PLCB1: variants seen among roughly 807,000 people sequenced by gnomAD.
The protein encoded by PLCB1 is 1-phosphatidylinositol 4,5-bisphosphate phosphodiesterase beta-1.
A neutral mutation model predicts 161.8 loss-of-function variants in PLCB1; 46 were observed. The observed-to-expected ratio is 0.28, with a 90% CI of 0.22 to 0.36. The LOEUF is 0.36. Among genes scored for constraint, PLCB1 ranks in the 10% least tolerant of loss-of-function variants. The probability of loss-of-function intolerance (pLI) is 1.00; values close to 1 mark genes in which losing one functional copy is unlikely to be tolerated. For synonymous variants in PLCB1, 517 were observed against 503.7 expected, an observed-to-expected ratio of 1.03 and a Z score of -0.35; for missense variants, 1,016 against 1,472.5, an observed-to-expected ratio of 0.69 and a Z score of 5.07.
chr20:8,669,624 C>T (rs973952023), intron 9 of PLCB1, among the ~76,000 whole-genome samples: 1 of 152,192 alleles, frequency 6.6e-6, no homozygotes, highest in Non-Finnish European at 1.5e-5. Context: ...CTTCACCTAT[C>T]TGGGCTCTCA....
chr20:8,320,663 C>G (rs180923086), intron 2 of PLCB1, among the ~76,000 whole-genome samples: 1 of 152,138 alleles, frequency 6.6e-6, no homozygotes, highest in East Asian at 1.9e-4. Flanking sequence ...GTTTTTCATC[C>G]TTCTCTGGCT....
chr20:8,221,547 C>T (rs1979407993), intron 2 of PLCB1, among the ~76,000 whole-genome samples: 1 of 152,106 alleles, frequency 6.6e-6, no homozygotes, highest in African/African-American at 2.4e-5. Flanking sequence ...TGAGAAGGCT[C>T]CAGGCTGGCT....
At chr20:8,644,314 G>A (rs963985775) in intron 4 of PLCB1, among the ~76,000 whole-genome samples, 12 of 149,440 alleles carry the variant, frequency 8.0e-5, no homozygotes, top group African/African-American at 2.0e-4. Context: ...AGTGAGGAGC[G>A]TCTCTGCCCG....
Position 8,628,439 on chromosome 20 carries a change from G to T in PLCB1, c.384+8G>T. The T allele has an allele frequency of 6.2e-7, 1 of 1,613,798 alleles. No homozygotes were observed. Among genetic ancestry groups the T allele is most frequent in the Non-Finnish European group, 8.5e-7 (1 of 1,179,846 alleles). On this transcript the variant is annotated splice_region_variant and intron_variant, in intron 4 of 31. Transcript: ENST00000338037. ...CAAGAAGAAGTGGCCAAGGTATGGT[G>T]GATGGAAATTGCTAAAGCTTATCAT... is the stretch of plus-strand genomic sequence containing the variant.
chr20:8,528,716 A>G (rs1205169284), intron 3 of PLCB1, among the ~76,000 whole-genome samples: 3 of 152,136 alleles, frequency 2.0e-5, no homozygotes, highest in South Asian at 4.1e-4. Flanking sequence ...GTAAAGCCTT[A>G]TTTGTTCAAT....
intron 2 of PLCB1, among the ~76,000 whole-genome samples, chr20:8,363,123 C>G (rs1184949104): frequency 6.6e-6 from 1 of 152,068 alleles, no homozygotes; most frequent in Non-Finnish European, 1.5e-5. Flanking sequence ...CATTTTCATT[C>G]CTTTTTAATT....
chr20:8,281,825 AG>A (rs1393122819), intron 2 of PLCB1, among the ~76,000 whole-genome samples: 2 of 152,140 alleles, frequency 1.3e-5, no homozygotes, highest in Non-Finnish European at 1.5e-5. Context: ...CTACAACAAC[AG>A]GGATTGTTCT....
intron 7 of PLCB1, chr20:8,651,783 AG>A (rs1989329770): frequency 2.8e-6 from 1 of 353,242 alleles, no homozygotes. Context: ...ATTGAGAAGA[AG>A]GGAAGCTCAT....
At chr20:8,457,714 G>GCA (rs145581916) in intron 3 of PLCB1, among the ~76,000 whole-genome samples, 7,507 of 145,748 alleles carry the variant, frequency 0.052, 292 homozygotes, top group Admixed American at 0.15. Flanking sequence ...ATGTGTGCGC[G>GCA]CACACACACA....
intron 2 of PLCB1, among the ~76,000 whole-genome samples, chr20:8,157,403 C>T (rs1474437854): frequency 6.6e-6 from 1 of 152,232 alleles, no homozygotes; most frequent in African/African-American, 2.4e-5. Context: ...ACTCCTCTTC[C>T]TCCCTACTGA....
intron 2 of PLCB1, among the ~76,000 whole-genome samples, chr20:8,230,722 C>A (rs1344726904): frequency 6.6e-6 from 1 of 152,114 alleles, no homozygotes; most frequent in Non-Finnish European, 1.5e-5. Flanking sequence ...CCGCCAGTCA[C>A]ATTTCAAGTA....
intron 26 of PLCB1, 57 bp downstream of exon 26, chr20:8,765,415 A>AT (rs1982268381): frequency 7.8e-7 from 1 of 1,280,676 alleles, no homozygotes; most frequent in African/African-American, 1.5e-5. Flanking sequence ...GTTAACATGG[A>AT]TTTTTAATGT....
intron 12 of PLCB1, among the ~76,000 whole-genome samples, chr20:8,712,307 T>G (rs1252686691): frequency 6.6e-6 from 1 of 151,900 alleles, no homozygotes; most frequent in Non-Finnish European, 1.5e-5. Flanking sequence ...AAAAACTAAA[T>G]TAATTAAAAA....
At chr20:8,802,942 T>G (rs1984354369) in intron 31 of PLCB1, among the ~76,000 whole-genome samples, 1 of 152,152 alleles carries the variant, frequency 6.6e-6, no homozygotes, top group African/African-American at 2.4e-5. Flanking sequence ...AAAGAAGCAT[T>G]CTTGTGATTA....
Position 8,486,785 on chromosome 20 carries a change from G to A in PLCB1, c.246+115335G>A, listed in dbSNP as rs572757329. On this transcript the variant is annotated intron_variant, in intron 3 of 31. Coordinates refer to ENST00000338037, the MANE Select transcript of PLCB1 (RefSeq NM_015192.4). The stretch of plus-strand genomic sequence containing the variant: ...GCTGGGATTACAGGCGTGAGCCACC[G>A]CGCCCGGCCTCCAAAATATTTTCTT... 2.3e-4 allele frequency among the ~76,000 whole-genome samples: 35 copies of A among 152,260 alleles called. No individual in the cohort carries two copies. The East Asian group carries it at 5.4e-3, about 23-fold the overall frequency.
chr20:8,186,177 A>G (rs2051903290), intron 2 of PLCB1, among the ~76,000 whole-genome samples: 1 of 152,094 alleles, frequency 6.6e-6, no homozygotes, highest in Non-Finnish European at 1.5e-5. Flanking sequence ...TTTTTGGGTT[A>G]TCTTTTAATG....
intron 31 of PLCB1, among the ~76,000 whole-genome samples, chr20:8,840,281 A>C (rs1986449725): frequency 6.6e-6 from 1 of 152,184 alleles, no homozygotes; most frequent in African/African-American, 2.4e-5. Context: ...CAATCTAGAA[A>C]TAGGGCAAGC....
At chr20:8,816,657 G>C (rs6108195) in intron 31 of PLCB1, among the ~76,000 whole-genome samples, 35,874 of 152,060 alleles carry the variant, frequency 0.24, 5,166 homozygotes, top group Non-Finnish European at 0.31. Context: ...AGAATTTCTG[G>C]ACATCTACAT....
At chr20:8,847,600 G>T (rs1188005131) in intron 31 of PLCB1, among the ~76,000 whole-genome samples, 2 of 152,094 alleles carry the variant, frequency 1.3e-5, no homozygotes, top group Non-Finnish European at 2.9e-5. Context: ...TGGATTTAGG[G>T]CAGACCCCAC....
Sources: gnomAD v4.1 joint callset for allele counts (sites outside exome capture counted in the v4.1 genomes callset) on GRCh38, gnomAD v4.1.1 for gene constraint, MANE v1.5 for transcripts, NCBI Gene and HGNC (gene_info 2026-07-23, HGNC 2026-07-21) for gene names.